GRIK2: variants seen among roughly 807,000 people sequenced by gnomAD.
GRIK2 encodes the protein glutamate receptor ionotropic, kainate 2.
A neutral mutation model predicts 100.3 loss-of-function variants in GRIK2; 32 were observed. The ratio of observed to expected loss-of-function variants is 0.32; its 90% CI spans 0.24 to 0.43. GRIK2 has a LOEUF of 0.43. Ranked by LOEUF, GRIK2 falls within the 20% of genes least tolerant of loss-of-function variation. GRIK2 has a pLI of 1.00. For missense variants in GRIK2, 843 were observed against 1,114.9 expected, an observed-to-expected ratio of 0.76 and a Z score of 3.47; for synonymous variants, 417 against 389.4, an observed-to-expected ratio of 1.07 and a Z score of -0.83.
chr6:101,623,723 G>A (rs1014412172), intron 3 of GRIK2, among the ~76,000 whole-genome samples: 1 of 152,194 alleles, frequency 6.6e-6, no homozygotes, highest in East Asian at 1.9e-4. Flanking sequence ...TACAAGCTTT[G>A]TTACCCAATA....
chr6:101,443,023 T>C (rs922606945), intron 2 of GRIK2, among the ~76,000 whole-genome samples: 1 of 152,156 alleles, frequency 6.6e-6, no homozygotes, highest in Non-Finnish European at 1.5e-5. Flanking sequence ...CACCACTACC[T>C]CCATTTGCAT....
intron 7 of GRIK2, among the ~76,000 whole-genome samples, chr6:101,689,216 A>G (rs1771920680): frequency 6.6e-6 from 1 of 152,066 alleles, no homozygotes; most frequent in South Asian, 2.1e-4. Flanking sequence ...CATTGGCAAC[A>G]TTCCCTTCAG....
intron 7 of GRIK2, among the ~76,000 whole-genome samples, chr6:101,741,447 G>T (rs1776026356): frequency 6.6e-6 from 1 of 152,200 alleles, no homozygotes; most frequent in Non-Finnish European, 1.5e-5. Flanking sequence ...CAGAATAAAA[G>T]ACAGTGTTTA....
At chr6:102,020,518 G>A (rs1582736258) in intron 14 of GRIK2, among the ~76,000 whole-genome samples, 1 of 151,842 alleles carries the variant, frequency 6.6e-6, no homozygotes, top group African/African-American at 2.4e-5. Context: ...AAGGTGATCA[G>A]ACATCCCTTG....
intron 7 of GRIK2, among the ~76,000 whole-genome samples, chr6:101,693,611 C>T (rs1772264299): frequency 6.6e-6 from 1 of 151,792 alleles, no homozygotes; most frequent in South Asian, 2.1e-4. Context: ...TTATTAGCCT[C>T]TTAACAAAGA....
intron 15 of GRIK2, among the ~76,000 whole-genome samples, chr6:102,054,663 C>T (rs570958581): frequency 6.6e-6 from 1 of 152,054 alleles, no homozygotes; most frequent in Non-Finnish European, 1.5e-5. Context: ...AAAACCTTGT[C>T]TCCTATAAAA....
intron 2 of GRIK2, among the ~76,000 whole-genome samples, chr6:101,598,896 A>G (rs1458158484): frequency 6.6e-6 from 1 of 151,582 alleles, no homozygotes; most frequent in African/African-American, 2.4e-5. Context: ...TCAACATTAA[A>G]TTGTACAATT....
intron 2 of GRIK2, among the ~76,000 whole-genome samples, chr6:101,578,053 C>G (rs771177043): frequency 6.6e-6 from 1 of 152,108 alleles, no homozygotes; most frequent in Non-Finnish European, 1.5e-5. Context: ...CACGTTCTCC[C>G]TTAGAAAGGA....
intron 7 of GRIK2, among the ~76,000 whole-genome samples, chr6:101,702,675 GA>G (rs1772980411): frequency 6.6e-6 from 1 of 151,872 alleles, no homozygotes; most frequent in South Asian, 2.1e-4. Context: ...AACAATGAAA[GA>G]AAACAAATTA....
intron 12 of GRIK2, among the ~76,000 whole-genome samples, chr6:101,902,358 T>C (rs1378520723): frequency 6.6e-6 from 1 of 151,936 alleles, no homozygotes; most frequent in Non-Finnish European, 1.5e-5. Context: ...ACACAATGTA[T>C]GAAGAAGGAT....
intron 2 of GRIK2, among the ~76,000 whole-genome samples, chr6:101,406,541 G>A (rs1775601164): frequency 6.6e-6 from 1 of 152,180 alleles, no homozygotes; most frequent in East Asian, 1.9e-4. Context: ...TTTAAGACAA[G>A]TATATTCTGG....
chr6:101,463,735 T>A (rs191280902), intron 2 of GRIK2, among the ~76,000 whole-genome samples: 45 of 152,166 alleles, frequency 3.0e-4, no homozygotes, highest in African/African-American at 1.0e-3. Flanking sequence ...ACAGGTAGAA[T>A]CAGATCATTG....
chr6:101,479,612 T>C (rs1374663108), intron 2 of GRIK2, among the ~76,000 whole-genome samples: 2 of 152,200 alleles, frequency 1.3e-5, no homozygotes, highest in Non-Finnish European at 2.9e-5. Context: ...TTTCATGGGC[T>C]AAGTTCAACT....
chr6:101,744,232 G>A (rs1353733017), intron 7 of GRIK2, among the ~76,000 whole-genome samples: 1 of 151,754 alleles, frequency 6.6e-6, no homozygotes, highest in African/African-American at 2.4e-5. Flanking sequence ...ATGAGCCGTC[G>A]TGCCCAGCCA....
chr6:101,546,819 CTTTTTTTTTTT>C (rs1169622526), intron 2 of GRIK2, among the ~76,000 whole-genome samples: 51 of 76,918 alleles, frequency 6.6e-4, no homozygotes, highest in African/African-American at 2.1e-3. Context: ...GTTTTTGTTT[CTTTTTTTTTTT>C]TTTTTTTTTT....
rs142384407 is a variant in GRIK2, at chr6:101,883,462, A to G, written c.1525-6178A>G. On this transcript the variant is annotated intron_variant, in intron 11 of 16. Coordinates refer to ENST00000369134, the MANE Select transcript of GRIK2 (RefSeq NM_021956.5). Reference sequence around the variant, plus strand: ...AGTTACAGAATTGGGCAAAACAGTGAAACTCCTTACTCAAAAGGAACTTAC... The same window carrying G: ...AGTTACAGAATTGGGCAAAACAGTGGAACTCCTTACTCAAAAGGAACTTAC... 1.8e-4 allele frequency among the ~76,000 whole-genome samples: 28 copies of G among 152,250 alleles called. 1 individual carries two copies. The highest frequency in any genetic ancestry group is 6.0e-4 in the African/African-American group (25 of 41,566).
chr6:101,547,021 C>CG lies in GRIK2; in HGVS notation c.116-74924dup, dbSNP rs530625891. Among the ~76,000 whole-genome samples the CG allele has an allele frequency of 1.5e-3, 230 of 150,442 alleles. 1 individual carries two copies. The East Asian group carries it at 0.019, about 12-fold the overall frequency. On this transcript the variant is annotated intron_variant, in intron 2 of 16. Transcript: ENST00000369134. Reference sequence around the variant, plus strand: ...AATTTTTTTGTATTTTTAGTAGAGACGGGGTTTCACCGTTTTAGCCGGGAT... The same window carrying CG: ...AATTTTTTTGTATTTTTAGTAGAGACGGGGGTTTCACCGTTTTAGCCGGGAT...
intron 15 of GRIK2, among the ~76,000 whole-genome samples, chr6:102,042,045 G>A (rs1477408028): frequency 6.6e-6 from 1 of 151,542 alleles, no homozygotes; most frequent in Non-Finnish European, 1.5e-5. Flanking sequence ...ATCATTTTGT[G>A]GGAAGAGAGT....
chr6:101,982,313 T>C (rs1400111302), intron 14 of GRIK2, among the ~76,000 whole-genome samples: 2 of 151,916 alleles, frequency 1.3e-5, no homozygotes, highest in Non-Finnish European at 2.9e-5. Flanking sequence ...GAATGGTCTC[T>C]TCAGAAATAT....
Sources: allele counts gnomAD v4.1 joint callset (sites outside exome capture counted in the v4.1 genomes callset), GRCh38; gene constraint gnomAD v4.1.1; transcripts MANE v1.5; gene names NCBI Gene and HGNC (gene_info 2026-07-23, HGNC 2026-07-21).